RFX1: variants seen among roughly 807,000 people sequenced by gnomAD.
RFX1 encodes MHC class II regulatory factor RFX1.
RFX1 carries 42 observed loss-of-function variants against 119.6 expected under a neutral mutation model. The ratio of observed to expected loss-of-function variants is 0.35; its 90% CI spans 0.27 to 0.45. RFX1 has a LOEUF of 0.45. Among genes scored for constraint, RFX1 ranks in the 20% least tolerant of loss-of-function variants. The pLI, the probability that RFX1 is intolerant of heterozygous loss-of-function variation, is 1.00. For synonymous variants in RFX1, 628 were observed against 618.5 expected (o/e 1.02, Z -0.23); for missense variants, 1,118 against 1,368.1 (o/e 0.82, Z 2.88).
At position 13,965,510 on chromosome 19, in the gene RFX1, C is replaced by T; in HGVS notation, c.2150G>A (p.Ser717Asn). 6.2e-7 allele frequency: 1 copy of T among 1,613,936 alleles called. No homozygotes were observed. Among genetic ancestry groups the T allele is most frequent in the Non-Finnish European group, 8.5e-7 (1 of 1,179,972 alleles). ...GGCGTGGGTGAGCCAGCTCTCCAGG[C>T]TCTTGGCAAAGTTCCGGATCGCTTG... ...LTQAIRNFAK[S>N]LESWLTHAMV... is the part of the protein sequence containing the mutation. Residue 717 changes from serine to asparagine, a missense_variant, in exon 16 of 21, where the codon AGC becomes AAC. Ser to Asn is a conservative substitution (Grantham distance 46). Around this residue, in one of 5 missense-constraint regions of RFX1, gnomAD observed 338 missense variants for 508.9 expected, o/e 0.66. Coordinates refer to ENST00000254325, the MANE Select transcript of RFX1 (RefSeq NM_002918.5). The surrounding 1 kb of genome is among the most constrained non-coding windows in gnomAD (Gnocchi z 4.7).
At position 13,979,541 on chromosome 19, in the gene RFX1, C is replaced by T. The variant is rs1451918382; in HGVS notation, c.740G>A (p.Arg247Lys). ...VQQSVPVTQE[R>K]SVVQATPQAP... The stretch of plus-strand genomic sequence containing the variant: ...TTGTGGAGTGGCCTGGACCACAGAT[C>T]TCTGGGAGGGGAAAGGCAACAATAA... The change falls in exon 7 of 21, where the codon AGA (arginine) becomes AAA (lysine). Residue 247 changes from arginine (R) to lysine (K), a missense_variant and splice_region_variant. Transcript: ENST00000254325. The T allele has an allele frequency of 2.5e-6, 4 of 1,582,350 alleles. No homozygotes were observed. Among genetic ancestry groups the T allele is most frequent in the East Asian group, 4.6e-5 (2 of 43,060 alleles).
intron 12 of RFX1, among the ~76,000 whole-genome samples, chr19:13,967,456 C>G (rs560677376): frequency 2.0e-5 from 3 of 151,730 alleles, no homozygotes; most frequent in Admixed American, 1.3e-4. Context: ...GGATTACACA[C>G]GTGAGCCACT....
intron 4 of RFX1, 30 bp from the exon 5 acceptor site, chr19:13,982,258 A>G: frequency 8.2e-7 from 1 of 1,213,396 alleles, no homozygotes. Context: ...GGGAGGGCAG[A>G]TCACTGATGA....
Position 13,993,890 on chromosome 19 carries a change from T to C in RFX1, c.-47A>G, listed in dbSNP as rs749829072. 2 of 1,336,116 alleles carry C rather than the reference T, an allele frequency of 1.5e-6. No homozygotes were observed. The highest frequency in any genetic ancestry group is 1.4e-5 in the South Asian group (1 of 70,636). The allele number at this position is 1,336,116 out of a possible 1,614,324, so 82.8% of individuals were successfully genotyped here. A position where few individuals can be genotyped will look rare whatever the true frequency, so the allele number is the denominator to read the frequency against. On this transcript the variant is annotated 5_prime_UTR_variant, in exon 2 of 21. Coordinates refer to ENST00000254325, the MANE Select transcript of RFX1 (RefSeq NM_002918.5). Reference sequence around the variant, plus strand: ...AATAAATAAGGCTTTTTTTTTTTTTTAATTCCTTGGGAAGAAAGACGGGGA... The same window carrying C: ...AATAAATAAGGCTTTTTTTTTTTTTCAATTCCTTGGGAAGAAAGACGGGGA...
rs564792399 is a variant in RFX1 at position 13,962,403 on chromosome 19, G to A, written c.*292C>T. The stretch of plus-strand genomic sequence containing the variant: ...AGGACGGGGCTGGGGAGAAGACGCT[G>A]GGGCCTGGGAGGGGGGCGGCCAAGG... On this transcript the variant is annotated 3_prime_UTR_variant, in exon 21 of 21. Coordinates refer to ENST00000254325, the MANE Select transcript of RFX1 (RefSeq NM_002918.5). 2 of 467,342 alleles carry A rather than the reference G, an allele frequency of 4.3e-6. No individual in the cohort carries two copies. The highest frequency in any genetic ancestry group is 5.3e-5 in the South Asian group (2 of 37,618). The allele number at this position is 467,342 out of a possible 1,614,324, so 28.9% of individuals were successfully genotyped here. A position where few individuals can be genotyped will look rare whatever the true frequency, so the allele number is the denominator to read the frequency against.
rs186824573 is a variant in RFX1, at chr19:13,999,174, T to C, written c.-52-5279A>G. 5.3e-5 allele frequency among the ~76,000 whole-genome samples: 8 copies of C among 152,318 alleles called. No homozygotes were observed. The East Asian group carries it at 1.5e-3, about 29-fold the overall frequency. On this transcript the variant is annotated intron_variant, in intron 1 of 20. Coordinates refer to ENST00000254325, the MANE Select transcript of RFX1 (RefSeq NM_002918.5). ...ATAAATCACATATACATACATAGCATGAGGTATTGCCCATATATTTGAGCG... is the reference window on the plus strand; with the variant it reads ...ATAAATCACATATACATACATAGCACGAGGTATTGCCCATATATTTGAGCG...
Position 13,966,313 on chromosome 19 carries a change from C to T in RFX1, c.1961+108G>A. 1.5e-6 allele frequency: 1 copy of T among 684,400 alleles called. No individual in the cohort carries two copies. The highest frequency in any genetic ancestry group is 2.6e-6 in the Non-Finnish European group (1 of 388,746). 42.4% of individuals were successfully genotyped at this position (684,400 alleles called of 1,614,324 possible). A position where few individuals can be genotyped will look rare whatever the true frequency, so the allele number is the denominator to read the frequency against. On this transcript the variant is annotated intron_variant, in intron 14 of 20. Coordinates refer to ENST00000254325, the MANE Select transcript of RFX1 (RefSeq NM_002918.5). The surrounding 1 kb of genome is among the most constrained non-coding windows in gnomAD (Gnocchi z 6.3). ...CACACAGCCAAGGATATGTGTACCC[C>T]ACAAACTGCAGGGGACAAGCAGGTG...
rs1974000494 is a variant in RFX1 at position 13,969,271 on chromosome 19, C to G, written c.1497-377G>C. The stretch of plus-strand genomic sequence containing the variant: ...GCATGAATTTACTGACTCACAGACC[C>G]TGATGAAGCACTGACTAGGTACAAC... On this transcript the variant is annotated intron_variant, in intron 10 of 20. Transcript: ENST00000254325. The surrounding 1 kb of genome is among the most constrained non-coding windows in gnomAD (Gnocchi z 4.5). Among the ~76,000 whole-genome samples, 1 of 152,114 alleles carries G rather than the reference C, an allele frequency of 6.6e-6. No homozygotes were observed. Among genetic ancestry groups the G allele is most frequent in the Admixed American group, 6.6e-5 (1 of 15,264 alleles).
Position 13,980,656 on chromosome 19 carries a change from T to C in RFX1, c.655A>G (p.Lys219Glu). 1 of 1,592,834 alleles carries C rather than the reference T, an allele frequency of 6.3e-7. No individual in the cohort carries two copies. The highest frequency in any genetic ancestry group is 1.1e-5 in the South Asian group (1 of 89,080). ...GTGCCCGTGGGGGCCCCGGCTGTCT[T>C]GCTGGAAGAGCTGTTGGCCTGCACC... ...SPVQANSSSSKTAGAPTGTVP... is the reference protein window; with the variant it reads ...SPVQANSSSSETAGAPTGTVP... Residue 219 changes from lysine (K) to glutamate (E), a missense_variant, in exon 6 of 21, where the codon AAG (lysine) becomes GAG (glutamate). Transcript: ENST00000254325. This position sits in a 1 kb window ranked among gnomAD's most constrained non-coding sequence, Gnocchi z 5.1.
intron 6 of RFX1, 120 bp from the exon 7 acceptor site, chr19:13,979,662 T>C (rs1287511920): frequency 3.6e-6 from 2 of 549,944 alleles, no homozygotes; most frequent in Non-Finnish European, 6.1e-6. Context: ...GAGGCCACCA[T>C]TCTCCAGCCA....
rs1295680833 is a variant in RFX1 at position 13,965,070 on chromosome 19, G to A, written c.2211+379C>T. On this transcript the variant is annotated intron_variant, in intron 16 of 20. Transcript: ENST00000254325. The surrounding 1 kb of genome is among the most constrained non-coding windows in gnomAD (Gnocchi z 4.7). Reference sequence around the variant, plus strand: ...CGAATGTGCATCTTTTGATGAAAAAGGCAAGTATTATGTTTCCTTATAGAT... The same window carrying A: ...CGAATGTGCATCTTTTGATGAAAAAAGCAAGTATTATGTTTCCTTATAGAT... Among the ~76,000 whole-genome samples the A allele has an allele frequency of 6.6e-6, 1 of 152,130 alleles. No individual in the cohort carries two copies. Among genetic ancestry groups the A allele is most frequent in the African/African-American group, 2.4e-5 (1 of 41,392 alleles).
At chr19:14,004,852 C>G (rs1168185411) in intron 1 of RFX1, among the ~76,000 whole-genome samples, 3 of 152,150 alleles carry the variant, frequency 2.0e-5, no homozygotes, top group African/African-American at 7.2e-5. Context: ...AAAAAAATTC[C>G]TCCCCGAGCT....
chr19:13,971,300 C>T (rs1974070125), intron 9 of RFX1, among the ~76,000 whole-genome samples: 1 of 151,940 alleles, frequency 6.6e-6, no homozygotes, highest in Non-Finnish European at 1.5e-5. Context: ...TGCGCCACTG[C>T]ACTCCAGTCT....
At chr19:13,972,699 C>A (rs112927991) in intron 9 of RFX1, 44 bp downstream of exon 9, 2 of 1,488,054 alleles carry the variant, frequency 1.3e-6, no homozygotes, top group Non-Finnish European at 1.8e-6. Context: ...TGCCCACCAC[C>A]CACCACTGCC....
intron 9 of RFX1, among the ~76,000 whole-genome samples, chr19:13,971,583 G>C (rs781543098): frequency 5.1e-4 from 77 of 152,226 alleles, no homozygotes; most frequent in Middle Eastern, 3.4e-3. Flanking sequence ...GGCAGTGCTG[G>C]CTTCTCTCTG....
chr19:14,003,158 G>C (rs1345766274), intron 1 of RFX1, among the ~76,000 whole-genome samples: 1 of 152,172 alleles, frequency 6.6e-6, no homozygotes, highest in African/African-American at 2.4e-5. Flanking sequence ...GCTACTTTTT[G>C]TATTTTTAGT....
intron 7 of RFX1, among the ~76,000 whole-genome samples, 183 bp downstream of exon 7, chr19:13,979,264 C>T (rs768048966): frequency 6.6e-6 from 1 of 152,168 alleles, no homozygotes; most frequent in Non-Finnish European, 1.5e-5. Context: ...GGTTTGAATC[C>T]AGATCTCTCT....
At chr19:13,963,298 G>A (rs779769264) in intron 18 of RFX1, 23 bp from the exon 19 acceptor site, 5 of 1,598,572 alleles carry the variant, frequency 3.1e-6, no homozygotes, top group Non-Finnish European at 3.4e-6. Context: ...ACGGAGAGGA[G>A]ACCGTCAGGC....
intron 7 of RFX1, 124 bp from the exon 8 acceptor site, chr19:13,978,210 C>T: frequency 1.5e-6 from 1 of 654,732 alleles, no homozygotes; most frequent in Non-Finnish European, 2.6e-6. Context: ...AGGGTGGCTT[C>T]TGGACTCTCA....
Sources: allele counts gnomAD v4.1 joint callset (sites outside exome capture counted in the v4.1 genomes callset), GRCh38; gene constraint gnomAD v4.1.1; regional missense constraint gnomAD v4.1.1; non-coding constraint Gnocchi (gnomAD v3.1); transcripts MANE v1.5; gene names NCBI Gene and HGNC (gene_info 2026-07-23, HGNC 2026-07-21).